FAM149B1: variants seen among roughly 807,000 people sequenced by gnomAD.
The protein encoded by FAM149B1 is primary cilium assembly protein FAM149B1.
In FAM149B1, 56 loss-of-function variants were observed where a neutral mutation model predicts 75.3. The observed-to-expected ratio is 0.74, with a 90% CI of 0.60 to 0.93. FAM149B1 has a LOEUF of 0.93. Ranked by LOEUF, FAM149B1 falls within the 40% of genes least tolerant of loss-of-function variation. The probability of loss-of-function intolerance (pLI) is 0.00; values close to 1 mark genes in which losing one functional copy is unlikely to be tolerated. For synonymous variants in FAM149B1, 259 were observed against 256.1 expected, an observed-to-expected ratio of 1.01 and a Z score of -0.11; for missense variants, 639 against 708.4, an observed-to-expected ratio of 0.90 and a Z score of 1.11.
chr10:73,216,156 C>G (rs963216113), intron 7 of FAM149B1, among the ~76,000 whole-genome samples: 2 of 152,106 alleles, frequency 1.3e-5, no homozygotes, highest in African/African-American at 2.4e-5. Context: ...TAATGACCTT[C>G]TTGGTCTTAT....
rs3998310 is a variant in FAM149B1, at chr10:73,199,197, TTTG to T, written c.542+5641_542+5643del. Among the ~76,000 whole-genome samples the T allele has an allele frequency of 5.3e-3, 780 of 146,550 alleles. 5 individuals are homozygous for T. Among genetic ancestry groups the T allele is most frequent in the African/African-American group, 0.014 (545 of 39,804 alleles). On this transcript the variant is annotated intron_variant, in intron 5 of 13. Coordinates refer to ENST00000242505, the MANE Select transcript of FAM149B1 (RefSeq NM_173348.2). ...TTAGGTAAGATAACTGTTATCCTTT[TTTG>T]TTGTTGTTGTTGTTGTTGTTGTTGT...
intron 7 of FAM149B1, among the ~76,000 whole-genome samples, chr10:73,220,138 G>A (rs896590134): frequency 1.7e-4 from 26 of 151,994 alleles, no homozygotes; most frequent in African/African-American, 5.6e-4. Context: ...ATAAGCACAT[G>A]AAAGACGCTG....
chr10:73,244,162 G>C lies in FAM149B1; in HGVS notation c.*3143G>C, dbSNP rs2043982547. 1.9e-6 allele frequency: 1 copy of C among 526,084 alleles called. No individual in the cohort carries two copies. The highest frequency in any genetic ancestry group is 3.4e-6 in the Non-Finnish European group (1 of 298,450). The allele number at this position is 526,084 out of a possible 1,614,324, so 32.6% of individuals were successfully genotyped here. A position where few individuals can be genotyped will look rare whatever the true frequency, so the allele number is the denominator to read the frequency against. On this transcript the variant is annotated 3_prime_UTR_variant, in exon 14 of 14. Transcript: ENST00000242505. ...TTTTACCCAATTCTATTTGCTAGAG[G>C]TAGTAAGTACTCTGGCACTCATAAA...
rs2042729072 is a variant in FAM149B1, at chr10:73,193,598, G to A, written c.542+5G>A. 6 of 1,549,836 alleles carry A rather than the reference G, an allele frequency of 3.9e-6. No individual in the cohort carries two copies. The highest frequency in any genetic ancestry group is 5.2e-6 in the Non-Finnish European group (6 of 1,146,396). Reference sequence around the variant, plus strand: ...TCAAGAAAGAGATTCTACTATGTGAGTATTCCATTATGTAAGTACTTCAAT... The same window carrying A: ...TCAAGAAAGAGATTCTACTATGTGAATATTCCATTATGTAAGTACTTCAAT... On this transcript the variant is annotated splice_donor_5th_base_variant and intron_variant, in intron 5 of 13. Coordinates refer to ENST00000242505, the MANE Select transcript of FAM149B1 (RefSeq NM_173348.2).
chr10:73,243,567 A>C lies in FAM149B1; in HGVS notation c.*2548A>C. On this transcript the variant is annotated 3_prime_UTR_variant, in exon 14 of 14. Coordinates refer to ENST00000242505, the MANE Select transcript of FAM149B1 (RefSeq NM_173348.2). Reference sequence around the variant, plus strand: ...AGCTTTCACAACATTATCCATAGACAGAAAGTACCTAGTGGTTGCCAGGGG... The same window carrying C: ...AGCTTTCACAACATTATCCATAGACCGAAAGTACCTAGTGGTTGCCAGGGG... 1 of 1,610,658 alleles carries C rather than the reference A, an allele frequency of 6.2e-7. No individual in the cohort carries two copies.
chr10:73,180,546 A>C (rs1257672910), intron 3 of FAM149B1, among the ~76,000 whole-genome samples: 1 of 152,250 alleles, frequency 6.6e-6, no homozygotes, highest in Non-Finnish European at 1.5e-5. Flanking sequence ...TATAAACGTC[A>C]TACAGATGTT....
chr10:73,228,931 ATG>A (rs990069594), intron 8 of FAM149B1, among the ~76,000 whole-genome samples: 1 of 151,866 alleles, frequency 6.6e-6, no homozygotes, highest in Non-Finnish European at 1.5e-5. Flanking sequence ...GAGTCTCACT[ATG>A]TTGCCCAGGC....
At chr10:73,238,776 T>C (rs2043880552) in intron 12 of FAM149B1, 1 of 152,328 alleles carries the variant, frequency 6.6e-6, no homozygotes, top group African/African-American at 2.4e-5. Context: ...GGATGTCATA[T>C]ATAGCTTTAT....
chr10:73,217,265 A>G (rs2043317585), intron 7 of FAM149B1, among the ~76,000 whole-genome samples: 1 of 152,238 alleles, frequency 6.6e-6, no homozygotes, highest in Non-Finnish European at 1.5e-5. Flanking sequence ...CTATTGTACA[A>G]GAAATTGGAG....
intron 7 of FAM149B1, among the ~76,000 whole-genome samples, chr10:73,212,987 C>T (rs1230597466): frequency 1.3e-5 from 2 of 152,108 alleles, no homozygotes; most frequent in Non-Finnish European, 2.9e-5. Flanking sequence ...GGACCACAGG[C>T]ATGCACCACC....
intron 5 of FAM149B1, among the ~76,000 whole-genome samples, chr10:73,196,553 T>C (rs763296626): frequency 2.6e-5 from 4 of 152,214 alleles, no homozygotes; most frequent in Non-Finnish European, 4.4e-5. Flanking sequence ...TCATAAAATA[T>C]AAGATTTATC....
chr10:73,244,024 T>G lies in FAM149B1; in HGVS notation c.*3005T>G. The stretch of plus-strand genomic sequence containing the variant: ...GCAAATCTATAATTCTGTTTCAATT[T>G]TATGAATATATGAATAGACAAAATG... On this transcript the variant is annotated 3_prime_UTR_variant, in exon 14 of 14. Transcript: ENST00000242505. The G allele has an allele frequency of 9.9e-7, 1 of 1,007,016 alleles. No homozygotes were observed. Among genetic ancestry groups the G allele is most frequent in the East Asian group, 2.5e-5 (1 of 40,260 alleles). 62.4% of individuals were successfully genotyped at this position (1,007,016 alleles called of 1,614,324 possible). A position where few individuals can be genotyped will look rare whatever the true frequency, so the allele number is the denominator to read the frequency against.
chr10:73,177,738 T>A, intron 2 of FAM149B1, 108 bp from the exon 3 acceptor site: 1 of 960,042 alleles, frequency 1.0e-6, no homozygotes, highest in Non-Finnish European at 1.6e-6. Context: ...GATATATTTG[T>A]ACACATGTTA....
At chr10:73,206,704 C>T (rs1161789191) in intron 5 of FAM149B1, among the ~76,000 whole-genome samples, 1 of 152,190 alleles carries the variant, frequency 6.6e-6, no homozygotes, top group Admixed American at 6.5e-5. Context: ...TTTAGAGAAT[C>T]TAAGATGTCC....
In FAM149B1 at chr10:73,192,341, T is replaced by C; in HGVS notation, c.283-215T>C. On this transcript the variant is annotated intron_variant, in intron 3 of 13. Transcript: ENST00000242505. ...TGGACCAGCCTAAAAAACAGACATT[T>C]ATCTAAATTTTCTTTAAATATGAAT... 3 of 506,362 alleles carry C rather than the reference T, an allele frequency of 5.9e-6. No homozygotes were observed. The South Asian group carries it at 7.1e-5, about 12-fold the overall frequency. The allele number at this position is 506,362 out of a possible 1,614,324, so 31.4% of individuals were successfully genotyped here.
chr10:73,170,833 CTG>C (rs1843680349), intron 1 of FAM149B1, among the ~76,000 whole-genome samples: 1 of 152,002 alleles, frequency 6.6e-6, no homozygotes, highest in Admixed American at 6.6e-5. Flanking sequence ...AATAAAGTGA[CTG>C]AGGTTTAGCT....
intron 7 of FAM149B1, among the ~76,000 whole-genome samples, chr10:73,211,816 G>C (rs750794693): frequency 6.6e-6 from 1 of 151,878 alleles, no homozygotes; most frequent in Non-Finnish European, 1.5e-5. Context: ...TCCAAGTGCG[G>C]GTTTCTTATG....
intron 10 of FAM149B1, among the ~76,000 whole-genome samples, chr10:73,233,634 G>A (rs777534796): frequency 1.3e-5 from 2 of 152,140 alleles, no homozygotes; most frequent in South Asian, 2.1e-4. Flanking sequence ...GTGAACCACC[G>A]CACCCAGCAG....
intron 9 of FAM149B1, chr10:73,230,846 G>C (rs1403056850): frequency 1.1e-5 from 2 of 186,710 alleles, no homozygotes; most frequent in African/African-American, 4.6e-5. Context: ...ACTTGTCCTT[G>C]AAAGATGGGG....
Sources: allele counts gnomAD v4.1 joint callset (sites outside exome capture counted in the v4.1 genomes callset), GRCh38; gene constraint gnomAD v4.1.1; transcripts MANE v1.5; gene names NCBI Gene and HGNC (gene_info 2026-07-23, HGNC 2026-07-21).